The following COP1 variants were observed in gnomAD, a reference collection of about 807,000 sequenced individuals.
The protein encoded by COP1 is E3 ubiquitin-protein ligase COP1.
In COP1, 24 loss-of-function variants were observed where a neutral mutation model predicts 101.3. The observed-to-expected ratio is 0.24, with a 90% confidence interval of 0.17 to 0.33. The LOEUF (loss-of-function observed/expected upper bound fraction) is 0.33, where lower values mean the gene tolerates loss of function less well. Among genes scored for constraint, COP1 ranks in the 10% least tolerant of loss-of-function variants. The pLI, the probability that COP1 is intolerant of heterozygous loss-of-function variation, is 1.00. For synonymous variants in COP1, 347 were observed against 341.9 expected (o/e 1.01, Z -0.17); for missense variants, 663 against 906.2 (o/e 0.73, Z 3.45).
At chr1:176,151,395 AAGAAAG>A (rs1558212312) in intron 5 of COP1, among the ~76,000 whole-genome samples, 1 of 126,610 alleles carries the variant, frequency 7.9e-6, no homozygotes, top group Non-Finnish European at 1.9e-5. Flanking sequence ...GAAAGAAAGA[AAGAAAG>A]AAAGAAAGAA....
rs72482029 is a variant in COP1 at position 176,020,312 on chromosome 1, GAA to G, written c.1729+7258_1729+7259del. Among the ~76,000 whole-genome samples the G allele has an allele frequency of 4.5e-3, 381 of 85,158 alleles. 3 individuals carry two copies. The highest frequency in any genetic ancestry group is 0.016 in the African/African-American group (352 of 21,812). The allele number at this position is 85,158 out of a possible 152,430, so 55.9% of individuals were successfully genotyped here. On this transcript the variant is annotated intron_variant, in intron 15 of 19. Coordinates refer to ENST00000367669, the MANE Select transcript of COP1 (RefSeq NM_022457.7). ...GGCGACAAAGTGAGACTCCATCTCG[GAA>G]AAAAAAAAAAAAAAAAACCTTCATA...
intron 9 of COP1, among the ~76,000 whole-genome samples, chr1:176,089,403 GAACAA>G (rs1252480704): frequency 6.6e-6 from 1 of 152,032 alleles, no homozygotes; most frequent in Non-Finnish European, 1.5e-5. Flanking sequence ...TTCATTAGAA[GAACAA>G]AATAACAAAA....
At chr1:176,084,728 C>T (rs1229314202) in intron 10 of COP1, among the ~76,000 whole-genome samples, 1 of 152,102 alleles carries the variant, frequency 6.6e-6, no homozygotes, top group Non-Finnish European at 1.5e-5. Context: ...TTTTCCTATA[C>T]CACTAATCGT....
chr1:176,196,226 C>A lies in COP1; in HGVS notation c.407+10346G>T, dbSNP rs566011058. Among the ~76,000 whole-genome samples, 10 of 152,048 alleles carry A rather than the reference C, an allele frequency of 6.6e-5. No homozygotes were observed. The South Asian group carries it at 2.1e-3, about 32-fold the overall frequency. ...AGAAACCAGAAAAGAAAACATGAAACTCCAAGTTAGCAGAAGAAATTTATA... is the reference window on the plus strand; with the variant it reads ...AGAAACCAGAAAAGAAAACATGAAAATCCAAGTTAGCAGAAGAAATTTATA... On this transcript the variant is annotated intron_variant, in intron 1 of 19. Coordinates refer to ENST00000367669, the MANE Select transcript of COP1 (RefSeq NM_022457.7).
intron 3 of COP1, among the ~76,000 whole-genome samples, chr1:176,173,343 AAC>A (rs1491080273): frequency 1.3e-5 from 2 of 149,592 alleles, no homozygotes; most frequent in African/African-American, 2.4e-5. Context: ...AAAAAAAAAA[AAC>A]CAGTAATTGG....
intron 9 of COP1, among the ~76,000 whole-genome samples, chr1:176,116,284 G>A (rs11490886): frequency 6.6e-6 from 1 of 152,120 alleles, no homozygotes; most frequent in Non-Finnish European, 1.5e-5. Context: ...GACAGGCTGA[G>A]GTAGGAGAAT....
chr1:176,173,572 C>T (rs111579173), intron 3 of COP1, among the ~76,000 whole-genome samples: 1,600 of 149,668 alleles, frequency 0.011, 29 homozygotes, highest in African/African-American at 0.037. Flanking sequence ...CCAGGGAGAT[C>T]AAGGCTGCAG....
intron 1 of COP1, among the ~76,000 whole-genome samples, chr1:176,190,487 C>A (rs1185664608): frequency 6.6e-6 from 1 of 150,482 alleles, no homozygotes. Context: ...TACTGCACAA[C>A]CTTAAGCTTG....
chr1:176,013,492 T>C (rs983832886), intron 15 of COP1, among the ~76,000 whole-genome samples: 2 of 152,200 alleles, frequency 1.3e-5, no homozygotes, highest in Non-Finnish European at 2.9e-5. Flanking sequence ...GCAAACCTAC[T>C]TGGTTCTCCT....
chr1:176,140,284 T>C (rs1447558324), intron 6 of COP1, among the ~76,000 whole-genome samples: 1 of 152,176 alleles, frequency 6.6e-6, no homozygotes. Context: ...CAATTTCATA[T>C]GGTTCAACTT....
At chr1:176,118,769 CAAAAAAA>C (rs1459153136) in intron 8 of COP1, among the ~76,000 whole-genome samples, 3 of 151,832 alleles carry the variant, frequency 2.0e-5, no homozygotes, top group Non-Finnish European at 4.4e-5. Context: ...AACAAACAAA[CAAAAAAA>C]CAAAAACAAA....
chr1:175,962,574 A>G lies in COP1; in HGVS notation c.2134-15335T>C, dbSNP rs532315061. Among the ~76,000 whole-genome samples the G allele has an allele frequency of 3.9e-5, 6 of 152,242 alleles. No individual in the cohort carries two copies. The South Asian group carries it at 1.2e-3, about 32-fold the overall frequency. On this transcript the variant is annotated intron_variant, in intron 18 of 19. Transcript: ENST00000367669. ...TTCTTTCTACGAGATATCCCCCACT[A>G]TTCCAACCCACCCCTGGCAGCTGAT...
At chr1:176,118,258 T>C (rs778069620) in intron 8 of COP1, among the ~76,000 whole-genome samples, 5 of 152,234 alleles carry the variant, frequency 3.3e-5, no homozygotes, top group Non-Finnish European at 5.9e-5. Flanking sequence ...AAACATTCAA[T>C]AAACTTTAGT....
chr1:176,002,249 A>G (rs1206233217), intron 15 of COP1, among the ~76,000 whole-genome samples: 2 of 152,000 alleles, frequency 1.3e-5, no homozygotes, highest in East Asian at 1.9e-4. Context: ...AGGTTTGTGA[A>G]GTTCATTTTT....
At chr1:176,092,392 A>G (rs1350363777) in intron 9 of COP1, among the ~76,000 whole-genome samples, 1 of 152,184 alleles carries the variant, frequency 6.6e-6, no homozygotes, top group East Asian at 1.9e-4. Flanking sequence ...AAATTGCATG[A>G]CATAGAAATT....
At chr1:176,129,609 G>A (rs1688588045) in intron 8 of COP1, among the ~76,000 whole-genome samples, 1 of 151,738 alleles carries the variant, frequency 6.6e-6, no homozygotes, top group African/African-American at 2.4e-5. Context: ...TTTAACTCCA[G>A]CAACTATCTG....
chr1:175,997,588 G>C (rs1660495740), intron 15 of COP1, among the ~76,000 whole-genome samples: 1 of 152,158 alleles, frequency 6.6e-6, no homozygotes, highest in Non-Finnish European at 1.5e-5. Context: ...AGTGGGCGAA[G>C]GGAATGAACA....
intron 14 of COP1, among the ~76,000 whole-genome samples, chr1:176,031,276 G>A (rs992005632): frequency 6.6e-6 from 1 of 152,074 alleles, no homozygotes; most frequent in Non-Finnish European, 1.5e-5. Context: ...TCCTAAGATG[G>A]CATCACAGAT....
intron 18 of COP1, among the ~76,000 whole-genome samples, chr1:175,975,337 A>C (rs1654268212): frequency 6.6e-6 from 1 of 152,198 alleles, no homozygotes; most frequent in South Asian, 2.1e-4. Flanking sequence ...TATGGCATTT[A>C]AACAAAGACT....
Sources: allele counts gnomAD v4.1 joint callset (sites outside exome capture counted in the v4.1 genomes callset), GRCh38; gene constraint gnomAD v4.1.1; transcripts MANE v1.5; gene names NCBI Gene and HGNC (gene_info 2026-07-23, HGNC 2026-07-21).